Variants in CSMD3 observed in about 807,000 individuals in gnomAD.
CSMD3 encodes the protein CUB and sushi domain-containing protein 3.
In CSMD3, 177 loss-of-function variants were observed where a neutral mutation model predicts 435.2. That is an observed-to-expected ratio of 0.41 (90% confidence interval 0.36 to 0.46). CSMD3 has a LOEUF of 0.46. Among genes scored for constraint, CSMD3 ranks in the 20% least tolerant of loss-of-function variants. The probability of loss-of-function intolerance (pLI) is 0.34; values close to 1 mark genes in which losing one functional copy is unlikely to be tolerated. For synonymous variants in CSMD3, 1,656 were observed against 1,520.5 expected, an observed-to-expected ratio of 1.09 and a Z score of -2.07; for missense variants, 4,265 against 4,504.6, an observed-to-expected ratio of 0.95 and a Z score of 1.52.
At chr8:112,971,962 A>C (rs1211352602) in intron 7 of CSMD3, among the ~76,000 whole-genome samples, 3 of 152,096 alleles carry the variant, frequency 2.0e-5, no homozygotes, top group Admixed American at 6.5e-5. Context: ...TTTGAGAAAT[A>C]TTTTAAGTTT....
chr8:113,264,176 T>C (rs932271739), intron 3 of CSMD3, among the ~76,000 whole-genome samples: 14 of 151,502 alleles, frequency 9.2e-5, no homozygotes, highest in Non-Finnish European at 1.9e-4. Flanking sequence ...AATTAAATTC[T>C]CATATTAATT....
chr8:112,439,396 C>A (rs750849500), intron 32 of CSMD3, among the ~76,000 whole-genome samples: 15 of 152,016 alleles, frequency 9.9e-5, no homozygotes, highest in Admixed American at 2.0e-4. Context: ...GCCTTGGCCT[C>A]CCAAAGTGCT....
intron 68 of CSMD3, 43 bp from the exon 69 acceptor site, chr8:112,231,675 T>C (rs1378300894): frequency 9.1e-7 from 1 of 1,097,586 alleles, no homozygotes; most frequent in African/African-American, 1.5e-5. Flanking sequence ...ATACTGGCCA[T>C]AGCTATATTT....
intron 32 of CSMD3, among the ~76,000 whole-genome samples, chr8:112,430,768 G>C (rs1044437859): frequency 3.3e-5 from 5 of 152,198 alleles, no homozygotes; most frequent in African/African-American, 1.2e-4. Context: ...CACTGGTCTA[G>C]AGATTGATGG....
At chr8:112,481,906 A>T (rs1819654678) in intron 31 of CSMD3, among the ~76,000 whole-genome samples, 1 of 152,174 alleles carries the variant, frequency 6.6e-6, no homozygotes, top group African/African-American at 2.4e-5. Flanking sequence ...CTATAACAAC[A>T]CATAATTCAT....
chr8:112,881,064 C>A (rs11995282), intron 10 of CSMD3, among the ~76,000 whole-genome samples: 9,338 of 151,996 alleles, frequency 0.061, 971 homozygotes, highest in African/African-American at 0.21. Context: ...ACTCATTCAA[C>A]CTACACTATG....
intron 13 of CSMD3, among the ~76,000 whole-genome samples, chr8:112,696,969 GA>G: frequency 6.6e-6 from 1 of 151,966 alleles, no homozygotes; most frequent in South Asian, 2.1e-4. Flanking sequence ...ACAAACACAT[GA>G]AAAAAATGCT....
intron 6 of CSMD3, among the ~76,000 whole-genome samples, chr8:113,000,487 C>T (rs190360896): frequency 9.9e-5 from 15 of 152,054 alleles, no homozygotes; most frequent in Admixed American, 5.9e-4. Context: ...AAATGATAAC[C>T]ATGTGATGTA....
intron 5 of CSMD3, among the ~76,000 whole-genome samples, chr8:113,032,938 G>T (rs2087180796): frequency 6.6e-6 from 1 of 151,458 alleles, no homozygotes; most frequent in South Asian, 2.1e-4. Context: ...AGGGGTCAAG[G>T]CACAGCTTGG....
At chr8:112,793,657 G>T (rs1419457844) in intron 13 of CSMD3, among the ~76,000 whole-genome samples, 5 of 152,154 alleles carry the variant, frequency 3.3e-5, no homozygotes, top group African/African-American at 1.2e-4. Context: ...GACAGAAAAA[G>T]GAAAGTGATG....
At chr8:112,721,081 T>A (rs1051506357) in intron 13 of CSMD3, among the ~76,000 whole-genome samples, 1 of 152,136 alleles carries the variant, frequency 6.6e-6, no homozygotes, top group Non-Finnish European at 1.5e-5. Flanking sequence ...AAATGCCAAC[T>A]CTAGATTAGA....
intron 52 of CSMD3, among the ~76,000 whole-genome samples, chr8:112,303,960 T>C (rs28735443): frequency 0.014 from 2,093 of 152,220 alleles, 50 homozygotes; most frequent in African/African-American, 0.048. Context: ...GCATATTTCC[T>C]GAAACAAAAC....
At chr8:113,299,494 T>G (rs2093747525) in intron 2 of CSMD3, among the ~76,000 whole-genome samples, 1 of 152,168 alleles carries the variant, frequency 6.6e-6, no homozygotes, top group Non-Finnish European at 1.5e-5. Flanking sequence ...TTGCAATAAC[T>G]TTGAAGGCAT....
chr8:113,311,504 T>A (rs1346785814), intron 2 of CSMD3: 2 of 151,770 alleles, frequency 1.3e-5, no homozygotes, highest in African/African-American at 2.4e-5. Flanking sequence ...GTAAAAAAAA[T>A]AAATATCAAT....
chr8:113,088,253 CT>C (rs1432623712), intron 5 of CSMD3, among the ~76,000 whole-genome samples: 1 of 150,942 alleles, frequency 6.6e-6, no homozygotes, highest in African/African-American at 2.4e-5. Context: ...CACTTTTACA[CT>C]GTTGGTGGGA....
Position 112,365,392 on chromosome 8 carries a change from T to C in CSMD3, c.6137-12858A>G, listed in dbSNP as rs79498528. On this transcript the variant is annotated intron_variant, in intron 38 of 70. Coordinates refer to ENST00000297405, the MANE Select transcript of CSMD3 (RefSeq NM_198123.2). ...AAAACAATTAGGGTGAAGACACAAA[T>C]TGAGAAATTTATACAAGGAGACTTC... Among the ~76,000 whole-genome samples the C allele has an allele frequency of 6.6e-5, 10 of 150,776 alleles. No homozygotes were observed. In the East Asian group the frequency reaches 1.8e-3, roughly 26 times the overall value.
At chr8:112,860,239 T>A (rs183942298) in intron 10 of CSMD3, among the ~76,000 whole-genome samples, 1 of 151,910 alleles carries the variant, frequency 6.6e-6, no homozygotes, top group Admixed American at 6.6e-5. Flanking sequence ...ACATGTAGAT[T>A]TCTTTATTAG....
At chr8:113,231,385 T>C (rs1563578361) in intron 3 of CSMD3, among the ~76,000 whole-genome samples, 1 of 151,358 alleles carries the variant, frequency 6.6e-6, no homozygotes, top group Admixed American at 6.6e-5. Flanking sequence ...CAGAAGATAA[T>C]AATATAGGCA....
chr8:113,015,477 A>T (rs2086421054), intron 6 of CSMD3, among the ~76,000 whole-genome samples: 1 of 151,992 alleles, frequency 6.6e-6, no homozygotes, highest in Non-Finnish European at 1.5e-5. Flanking sequence ...ATTAAAATGT[A>T]AGGAATTTAG....
Sources: allele counts gnomAD v4.1 joint callset (sites outside exome capture counted in the v4.1 genomes callset), GRCh38; gene constraint gnomAD v4.1.1; transcripts MANE v1.5; gene names NCBI Gene and HGNC (gene_info 2026-07-23, HGNC 2026-07-21).